ULK4: variants seen among roughly 807,000 people sequenced by gnomAD.
The protein encoded by ULK4 is inactive serine/threonine-protein kinase ULK4.
Under a neutral mutation model 160.6 loss-of-function variants are expected in ULK4, and 133 were observed. That is an observed-to-expected ratio of 0.83 (90% CI 0.72 to 0.96). The LOEUF is 0.96. Ranked by LOEUF, ULK4 falls within the 40% of genes least tolerant of loss-of-function variation. The pLI is 0.00. For synonymous variants in ULK4, 534 were observed against 539.8 expected, an observed-to-expected ratio of 0.99 and a Z score of 0.15; for missense variants, 1,580 against 1,499.5, an observed-to-expected ratio of 1.05 and a Z score of -0.89.
At chr3:41,489,624 C>T (rs2084674383) in intron 32 of ULK4, among the ~76,000 whole-genome samples, 1 of 152,124 alleles carries the variant, frequency 6.6e-6, no homozygotes, top group Non-Finnish European at 1.5e-5. Flanking sequence ...TTCATCTGTC[C>T]AGGCACTATC....
chr3:41,345,259 C>T (rs888658534), intron 35 of ULK4, among the ~76,000 whole-genome samples: 1 of 152,296 alleles, frequency 6.6e-6, no homozygotes, highest in Middle Eastern at 3.4e-3. Context: ...TTTGACCCAG[C>T]AATCCCATTA....
intron 35 of ULK4, among the ~76,000 whole-genome samples, chr3:41,390,479 T>G (rs2081932956): frequency 6.6e-6 from 1 of 152,194 alleles, no homozygotes; most frequent in Non-Finnish European, 1.5e-5. Flanking sequence ...TTTTGGATCT[T>G]TCCTGCTTTC....
At chr3:41,335,370 T>A (rs1041788433) in intron 35 of ULK4, among the ~76,000 whole-genome samples, 8 of 152,208 alleles carry the variant, frequency 5.3e-5, no homozygotes, top group Non-Finnish European at 8.8e-5. Context: ...TTAGAATCCC[T>A]ATTTTCATTT....
chr3:41,272,784 T>C (rs759184136), intron 35 of ULK4, among the ~76,000 whole-genome samples: 1 of 152,228 alleles, frequency 6.6e-6, no homozygotes, highest in Non-Finnish European at 1.5e-5. Flanking sequence ...TCTTTATTTA[T>C]TTCTGTGTTT....
chr3:41,395,651 G>C (rs545024779), intron 35 of ULK4, among the ~76,000 whole-genome samples: 1 of 152,264 alleles, frequency 6.6e-6, no homozygotes, highest in African/African-American at 2.4e-5. Flanking sequence ...TTGTTTAATA[G>C]GCACAGAGTT....
At chr3:41,881,955 A>G (rs1697537173) in intron 17 of ULK4, among the ~76,000 whole-genome samples, 2 of 152,192 alleles carry the variant, frequency 1.3e-5, no homozygotes, top group Non-Finnish European at 2.9e-5. Flanking sequence ...AATATGGTTC[A>G]GGAACTGCTG....
intron 22 of ULK4, among the ~76,000 whole-genome samples, chr3:41,731,405 T>C (rs2037816681): frequency 6.6e-6 from 1 of 151,966 alleles, no homozygotes; most frequent in African/African-American, 2.4e-5. Context: ...AAAAAAATTC[T>C]CTTAATATGT....
intron 32 of ULK4, among the ~76,000 whole-genome samples, chr3:41,529,386 T>C (rs2086225338): frequency 6.6e-6 from 1 of 152,250 alleles, no homozygotes; most frequent in African/African-American, 2.4e-5. Context: ...GGGCGATTTG[T>C]TAATGCAAAG....
intron 16 of ULK4, among the ~76,000 whole-genome samples, chr3:41,888,691 G>A (rs1028313373): frequency 2.6e-5 from 4 of 152,216 alleles, no homozygotes; most frequent in Non-Finnish European, 5.9e-5. Context: ...TGTTCCTACA[G>A]TGAGCAATCC....
chr3:41,776,669 A>C (rs376799775), intron 21 of ULK4, among the ~76,000 whole-genome samples: 2 of 136,384 alleles, frequency 1.5e-5, no homozygotes, highest in Admixed American at 1.5e-4. Flanking sequence ...TTCTGCATCT[A>C]TTGAGATAAT....
At chr3:41,742,097 C>T (rs1464482645) in intron 22 of ULK4, among the ~76,000 whole-genome samples, 1 of 151,926 alleles carries the variant, frequency 6.6e-6, no homozygotes, top group Non-Finnish European at 1.5e-5. Context: ...ACATACAACC[C>T]TTCCCTTCCC....
intron 19 of ULK4, among the ~76,000 whole-genome samples, chr3:41,817,881 A>G (rs1424002034): frequency 6.6e-6 from 1 of 152,198 alleles, no homozygotes; most frequent in African/African-American, 2.4e-5. Flanking sequence ...ACATTTCTCA[A>G]AAGAAGACAT....
intron 18 of ULK4, among the ~76,000 whole-genome samples, chr3:41,825,240 T>TA (rs1290568101): frequency 6.6e-6 from 1 of 152,080 alleles, no homozygotes; most frequent in Non-Finnish European, 1.5e-5. Flanking sequence ...CTGGAAACTC[T>TA]AAAAATCAGA....
intron 35 of ULK4, among the ~76,000 whole-genome samples, chr3:41,394,071 G>T (rs1216919509): frequency 6.6e-6 from 1 of 152,102 alleles, no homozygotes; most frequent in Non-Finnish European, 1.5e-5. Context: ...CTAACACAGA[G>T]ACTACCACAA....
chr3:41,394,750 A>C (rs1057037946), intron 35 of ULK4, among the ~76,000 whole-genome samples: 1 of 152,102 alleles, frequency 6.6e-6, no homozygotes, highest in Non-Finnish European at 1.5e-5. Flanking sequence ...CAAGTTCAAG[A>C]CCACAACTGA....
At chr3:41,351,646 G>T (rs79984429) in intron 35 of ULK4, among the ~76,000 whole-genome samples, 1 of 152,210 alleles carries the variant, frequency 6.6e-6, no homozygotes, top group Non-Finnish European at 1.5e-5. Context: ...GCTGCTTAAA[G>T]ATGAGGCTTT....
intron 19 of ULK4, among the ~76,000 whole-genome samples, chr3:41,814,735 A>G (rs1489664063): frequency 6.6e-6 from 1 of 152,056 alleles, no homozygotes; most frequent in Admixed American, 6.6e-5. Flanking sequence ...GTGACCTTAA[A>G]AATCTCCCAT....
chr3:41,561,075 G>T (rs139910665), intron 32 of ULK4, among the ~76,000 whole-genome samples: 472 of 152,278 alleles, frequency 3.1e-3, no homozygotes, highest in African/African-American at 0.01. Context: ...TAGCATGAAG[G>T]ACTGTTGAAT....
chr3:41,800,126 T>A lies in ULK4; in HGVS notation c.2010+6A>T. ...GACATATCCCCCAAAAGATGCTTCA[T>A]CTTACCGATACTGCTGTTATCCTAA... On this transcript the variant is annotated splice_donor_region_variant and intron_variant, in intron 20 of 36. Coordinates refer to ENST00000301831, the MANE Select transcript of ULK4 (RefSeq NM_017886.4). 6.3e-7 allele frequency: 1 copy of A among 1,584,160 alleles called. No individual in the cohort carries two copies. The highest frequency in any genetic ancestry group is 1.2e-5 in the South Asian group (1 of 83,864).
Sources: allele counts gnomAD v4.1 joint callset (sites outside exome capture counted in the v4.1 genomes callset), GRCh38; gene constraint gnomAD v4.1.1; transcripts MANE v1.5; gene names NCBI Gene and HGNC (gene_info 2026-07-23, HGNC 2026-07-21).